FOCAD: variants seen among roughly 807,000 people sequenced by gnomAD.
FOCAD encodes the protein KIAA1797.
A neutral mutation model predicts 225.6 loss-of-function variants in FOCAD; 198 were observed. The ratio of observed to expected loss-of-function variants is 0.88; its 90% CI spans 0.78 to 0.99. The LOEUF (loss-of-function observed/expected upper bound fraction) is 0.99. Ranked by LOEUF, FOCAD falls within the 50% of genes least tolerant of loss-of-function variation. The probability of loss-of-function intolerance (pLI) is 0.00; values close to 1 mark genes in which losing one functional copy is unlikely to be tolerated. For missense variants in FOCAD, 2,713 were observed against 2,123.6 expected, an observed-to-expected ratio of 1.28 and a Z score of -5.46; for synonymous variants, 897 against 755.0, an observed-to-expected ratio of 1.19 and a Z score of -3.08.
chr9:20,944,850 A>T (rs141353676), intron 29 of FOCAD, 76 bp downstream of exon 29: 1 of 1,429,846 alleles, frequency 7.0e-7, no homozygotes, highest in East Asian at 2.5e-5. Flanking sequence ...TGGACTTACC[A>T]TATTTTGGTA....
In FOCAD at chr9:20,993,475, G is replaced by A. The variant is rs570416169; in HGVS notation, c.5332+147G>A. The A allele has an allele frequency of 1.5e-5, 10 of 651,034 alleles. No individual in the cohort carries two copies. The South Asian group carries it at 1.8e-4, about 12-fold the overall frequency. 40.3% of individuals were successfully genotyped at this position (651,034 alleles called of 1,614,324 possible). A position where few individuals can be genotyped will look rare whatever the true frequency, so the allele number is the denominator to read the frequency against. On this transcript the variant is annotated intron_variant, in intron 43 of 43. Coordinates refer to ENST00000338382, the MANE Select transcript of FOCAD (RefSeq NM_001375567.1). ...GGTGTTTTGGATTTTGGATGTTTTT[G>A]GATTTGGGTATATTTGAACATACAT...
At chr9:20,767,865 A>G (rs1005009614) in intron 7 of FOCAD, among the ~76,000 whole-genome samples, 15 of 151,662 alleles carry the variant, frequency 9.9e-5, no homozygotes, top group Admixed American at 8.5e-4. Context: ...TTTTGTTGCC[A>G]TTGCTGTTGG....
At chr9:20,899,279 G>A (rs1832365989) in intron 21 of FOCAD, among the ~76,000 whole-genome samples, 1 of 151,872 alleles carries the variant, frequency 6.6e-6, no homozygotes, top group South Asian at 2.1e-4. Context: ...ATAAAGGTGT[G>A]GGGACCCTCC....
chr9:20,708,016 T>A lies in FOCAD; in HGVS notation c.-32-7306T>A, dbSNP rs1824532673. Among the ~76,000 whole-genome samples the A allele has an allele frequency of 4.6e-5, 7 of 152,228 alleles. No individual in the cohort carries two copies. In the South Asian group the frequency reaches 1.5e-3, roughly 32 times the overall value. ...AGCAGAAGAATGAGAAAGAGATCCA[T>A]ATTAGACAGTACAACAAGGTGGGCA... On this transcript the variant is annotated intron_variant, in intron 1 of 43. Coordinates refer to ENST00000338382, the MANE Select transcript of FOCAD (RefSeq NM_001375567.1).
intron 35 of FOCAD, among the ~76,000 whole-genome samples, chr9:20,961,579 T>C (rs895683613): frequency 2.0e-5 from 3 of 152,168 alleles, no homozygotes; most frequent in Non-Finnish European, 2.9e-5. Context: ...GGGAAACATA[T>C]GTTCTTGTTC....
chr9:20,719,157 C>G (rs1825577104), intron 3 of FOCAD, among the ~76,000 whole-genome samples: 1 of 152,132 alleles, frequency 6.6e-6, no homozygotes, highest in Non-Finnish European at 1.5e-5. Context: ...TCTCAGCTCA[C>G]TGCAACTTCT....
chr9:20,916,964 A>G, intron 24 of FOCAD, 27 bp downstream of exon 24: 3 of 1,573,676 alleles, frequency 1.9e-6, no homozygotes, highest in East Asian at 4.6e-5. Context: ...CTTTTATCAA[A>G]CATTTTTTAT....
chr9:20,894,914 A>G (rs992437671), intron 21 of FOCAD, among the ~76,000 whole-genome samples: 1 of 152,044 alleles, frequency 6.6e-6, no homozygotes, highest in Non-Finnish European at 1.5e-5. Context: ...CTAACATTAT[A>G]GATATTATCC....
At chr9:20,962,834 G>A (rs542372089) in intron 35 of FOCAD, among the ~76,000 whole-genome samples, 99 of 152,124 alleles carry the variant, frequency 6.5e-4, no homozygotes, top group Non-Finnish European at 1.2e-3. Flanking sequence ...TCCATTGTCC[G>A]TAAAGCATTT....
chr9:20,836,128 G>A (rs1365293173), intron 15 of FOCAD, among the ~76,000 whole-genome samples: 1 of 152,060 alleles, frequency 6.6e-6, no homozygotes, highest in Non-Finnish European at 1.5e-5. Flanking sequence ...AGCACTATGG[G>A]GTGGGAATGA....
intron 2 of FOCAD, among the ~76,000 whole-genome samples, chr9:20,661,589 T>C (rs1192271213): frequency 6.6e-6 from 1 of 152,198 alleles, no homozygotes; most frequent in African/African-American, 2.4e-5. Context: ...TGTCCTTCTT[T>C]TTCTCACTAT....
At chr9:20,936,383 A>T (rs1442846709) in intron 28 of FOCAD, among the ~76,000 whole-genome samples, 1 of 152,208 alleles carries the variant, frequency 6.6e-6, no homozygotes, top group Non-Finnish European at 1.5e-5. Context: ...GCATGTGTAA[A>T]GGGTTTCATC....
chr9:20,947,772 G>A (rs748738110), intron 30 of FOCAD, among the ~76,000 whole-genome samples: 29 of 152,150 alleles, frequency 1.9e-4, no homozygotes, highest in Non-Finnish European at 3.1e-4. Flanking sequence ...ATGATAATGG[G>A]TTATTGCAGA....
intron 15 of FOCAD, among the ~76,000 whole-genome samples, chr9:20,852,841 A>C (rs1827807078): frequency 6.6e-6 from 1 of 151,606 alleles, no homozygotes; most frequent in Non-Finnish European, 1.5e-5. Context: ...GTAAATACTC[A>C]ATTTGCTTTA....
rs371908652 is a variant in FOCAD at position 20,892,720 on chromosome 9, C to G, written c.2625+7490C>G. Among the ~76,000 whole-genome samples, 13 of 152,172 alleles carry G rather than the reference C, an allele frequency of 8.5e-5. No homozygotes were observed. The East Asian group carries it at 2.1e-3, about 25-fold the overall frequency. ...GGATTTACAATATTACATAAACGTACCTGATAATGTGGTATCAATGTTTGA... is the reference window on the plus strand; with the variant it reads ...GGATTTACAATATTACATAAACGTAGCTGATAATGTGGTATCAATGTTTGA... On this transcript the variant is annotated intron_variant, in intron 21 of 43. Coordinates refer to ENST00000338382, the MANE Select transcript of FOCAD (RefSeq NM_001375567.1).
intron 35 of FOCAD, among the ~76,000 whole-genome samples, chr9:20,972,076 C>G (rs553358778): frequency 6.6e-6 from 1 of 152,216 alleles, no homozygotes; most frequent in East Asian, 1.9e-4. Context: ...AAGATCTCTT[C>G]ATGATCTTGC....
chr9:20,778,038 G>GCAGT (rs1818953228), intron 8 of FOCAD, among the ~76,000 whole-genome samples: 1 of 137,482 alleles, frequency 7.3e-6, no homozygotes, highest in African/African-American at 2.7e-5. Flanking sequence ...TGCAGTGAGC[G>GCAGT]GAGATCGTGC....
chr9:20,819,296 G>A (rs749752769), intron 11 of FOCAD, among the ~76,000 whole-genome samples: 38 of 151,918 alleles, frequency 2.5e-4, no homozygotes, highest in Non-Finnish European at 7.4e-5. Flanking sequence ...TCACTGCCAC[G>A]TTGAGCTCCC....
At chr9:20,661,879 CCT>C (rs1393561688) in intron 2 of FOCAD, among the ~76,000 whole-genome samples, 1 of 151,998 alleles carries the variant, frequency 6.6e-6, no homozygotes, top group African/African-American at 2.4e-5. Flanking sequence ...AGCTTGGAAA[CCT>C]CTGAAATGGC....
Sources: gnomAD v4.1 joint callset for allele counts (sites outside exome capture counted in the v4.1 genomes callset) on GRCh38, gnomAD v4.1.1 for gene constraint, MANE v1.5 for transcripts, NCBI Gene and HGNC (gene_info 2026-07-23, HGNC 2026-07-21) for gene names.